Variants in PSMA1 observed in about 807,000 individuals in gnomAD.
PSMA1 encodes proteasome 20S subunit alpha 1, also known as proteasome subunit alpha type-1.
Under a neutral mutation model 38.4 loss-of-function variants are expected in PSMA1, and 3 were observed. That is an observed-to-expected ratio of 0.08 (90% CI 0.04 to 0.20). The LOEUF is 0.20. Among genes scored for constraint, PSMA1 ranks in the 10% least tolerant of loss-of-function variants. The pLI, the probability that PSMA1 is intolerant of heterozygous loss-of-function variation, is 1.00. For synonymous variants in PSMA1, 101 were observed against 107.1 expected, an observed-to-expected ratio of 0.94 and a Z score of 0.35; for missense variants, 227 against 325.3, an observed-to-expected ratio of 0.70 and a Z score of 2.32.
intron 6 of PSMA1, 47 bp from the exon 7 acceptor site, chr11:14,513,746 A>T (rs1851383154): frequency 3.2e-6 from 5 of 1,548,110 alleles, no homozygotes; most frequent in Non-Finnish European, 4.3e-6. Context: ...CTTTGGTTGA[A>T]CTAAAAATTA....
chr11:14,513,968 C>T, intron 5 of PSMA1, 81 bp from the exon 6 acceptor site: 1 of 1,434,104 alleles, frequency 7.0e-7, no homozygotes, highest in Admixed American at 3.0e-5. Flanking sequence ...TAACAAAGGT[C>T]TCTGGCTTAT....
chr11:14,602,378 G>GTT (rs983543688), intron 2 of PSMA1, among the ~76,000 whole-genome samples: 7 of 152,048 alleles, frequency 4.6e-5, no homozygotes, highest in Non-Finnish European at 1.0e-4. Context: ...AGTGGACTTT[G>GTT]TTTTATATTA....
chr11:14,545,409 A>G (rs1589988673), intron 2 of PSMA1, among the ~76,000 whole-genome samples: 1 of 152,230 alleles, frequency 6.6e-6, no homozygotes, highest in East Asian at 1.9e-4. Context: ...CTATCAACCC[A>G]TCACCTAGGT....
chr11:14,523,961 A>G (rs570995047), upstream of PSMA1, among the ~76,000 whole-genome samples: 1 of 151,912 alleles, frequency 6.6e-6, no homozygotes, highest in African/African-American at 2.4e-5. Flanking sequence ...TAGGTCAGCG[A>G]ACATAGTACT....
chr11:14,608,418 G>A (rs1051062582), intron 2 of PSMA1, among the ~76,000 whole-genome samples: 3 of 151,568 alleles, frequency 2.0e-5, no homozygotes, highest in Non-Finnish European at 4.4e-5. Flanking sequence ...TTGTGGGGTA[G>A]GGGGAGCGGG....
At chr11:14,589,802 T>A (rs1038745514) in intron 2 of PSMA1, among the ~76,000 whole-genome samples, 1 of 152,128 alleles carries the variant, frequency 6.6e-6, no homozygotes, top group African/African-American at 2.4e-5. Context: ...GAAGTCAACA[T>A]GGCAGATTAG....
In PSMA1 at chr11:14,513,691, G is replaced by A; in HGVS notation, c.423C>T (p.Gly141=). 6.3e-7 allele frequency: 1 copy of A among 1,577,454 alleles called. No homozygotes were observed. Among genetic ancestry groups the A allele is most frequent in the Non-Finnish European group, 8.6e-7 (1 of 1,168,458 alleles). Residue 141 remains glycine, a synonymous_variant, in exon 7 of 10, where the codon GGC becomes GGT. Coordinates refer to ENST00000396394, the MANE Select transcript of PSMA1 (RefSeq NM_002786.4). ...GLLIAGYDDM[G]PHIFQTCPSA... ...ATGGACAGGTTTGGAAAATGTGAGGGCCCATATCCTACAAATAGAAATAAA... is the reference window on the plus strand; with the variant it reads ...ATGGACAGGTTTGGAAAATGTGAGGACCCATATCCTACAAATAGAAATAAA...
At chr11:14,585,080 A>G (rs1404373237) in intron 2 of PSMA1, among the ~76,000 whole-genome samples, 1 of 152,218 alleles carries the variant, frequency 6.6e-6, no homozygotes, top group Non-Finnish European at 1.5e-5. Flanking sequence ...TCTGGGAAGC[A>G]TCAATTACTC....
At chr11:14,551,774 T>C (rs558118197) in intron 2 of PSMA1, among the ~76,000 whole-genome samples, 3 of 152,188 alleles carry the variant, frequency 2.0e-5, no homozygotes, top group Admixed American at 1.3e-4. Context: ...AGGAGGATCA[T>C]GAAAGTCTAC....
At chr11:14,560,717 A>C (rs1851998615) in intron 2 of PSMA1, among the ~76,000 whole-genome samples, 1 of 152,208 alleles carries the variant, frequency 6.6e-6, no homozygotes, top group Non-Finnish European at 1.5e-5. Context: ...ACATGCCCAT[A>C]TAATGATGGT....
Position 14,519,030 on chromosome 11 carries a change from C to T in PSMA1, c.15G>A (p.Gln5=), listed in dbSNP as rs762530422. 5.7e-6 allele frequency: 9 copies of T among 1,590,802 alleles called. No homozygotes were observed. Among genetic ancestry groups the T allele is most frequent in the Non-Finnish European group, 7.7e-6 (9 of 1,165,502 alleles). Residue 5 remains glutamine, a synonymous_variant, in exon 2 of 10, where the codon CAG becomes CAA. Transcript: ENST00000396394. ...TCCAAACAGTGACATCATTGTCATA[C>T]TGATTTCGAAACTAAAAGTAAAAGA... MFRN[Q]YDNDVTVWSP...
intron 2 of PSMA1, among the ~76,000 whole-genome samples, chr11:14,570,089 G>A (rs998804943): frequency 6.6e-6 from 1 of 152,192 alleles, no homozygotes; most frequent in Non-Finnish European, 1.5e-5. Flanking sequence ...GTGATACCCA[G>A]ACAAAGAGGA....
At chr11:14,593,302 A>C (rs1852443989) in intron 2 of PSMA1, among the ~76,000 whole-genome samples, 1 of 152,222 alleles carries the variant, frequency 6.6e-6, no homozygotes, top group Non-Finnish European at 1.5e-5. Flanking sequence ...TTGTATATCT[A>C]CAATCTGCAA....
chr11:14,628,327 C>T (rs1223222737), intron 1 of PSMA1, among the ~76,000 whole-genome samples: 2 of 90,208 alleles, frequency 2.2e-5, no homozygotes, highest in African/African-American at 9.0e-5. Context: ...TCCCCCCACC[C>T]CACAACAGTC....
intron 8 of PSMA1, among the ~76,000 whole-genome samples, chr11:14,509,301 C>G (rs1158636145): frequency 6.6e-6 from 1 of 152,120 alleles, no homozygotes; most frequent in Non-Finnish European, 1.5e-5. Flanking sequence ...ACATTCCCCC[C>G]TCACACCCTA....
chr11:14,508,562 A>AAAAAAAAAAAC (rs1851286319), intron 8 of PSMA1, among the ~76,000 whole-genome samples: 1 of 32,094 alleles, frequency 3.1e-5, no homozygotes, highest in Non-Finnish European at 6.2e-5. Flanking sequence ...ACTCCATCTC[A>AAAAAAAAAAAC]AAAAAAAAAA....
intron 2 of PSMA1, among the ~76,000 whole-genome samples, chr11:14,535,204 C>A (rs991537868): frequency 1.1e-4 from 16 of 149,592 alleles, no homozygotes; most frequent in African/African-American, 3.2e-4. Context: ...ATAGAGCAAT[C>A]TGGAATTAAT....
intron 2 of PSMA1, among the ~76,000 whole-genome samples, chr11:14,584,092 T>C (rs1045450706): frequency 6.6e-6 from 1 of 152,200 alleles, no homozygotes; most frequent in Non-Finnish European, 1.5e-5. Flanking sequence ...AAATTCTATA[T>C]TGGATCAAAG....
At chr11:14,595,006 C>G (rs1852468109) in intron 2 of PSMA1, among the ~76,000 whole-genome samples, 2 of 151,866 alleles carry the variant, frequency 1.3e-5, no homozygotes, top group Non-Finnish European at 2.9e-5. Flanking sequence ...AGAACACGCA[C>G]TGTTTGATTT....
Sources: gnomAD v4.1 joint callset for allele counts (sites outside exome capture counted in the v4.1 genomes callset) on GRCh38, gnomAD v4.1.1 for gene constraint, MANE v1.5 for transcripts, NCBI Gene and HGNC (gene_info 2026-07-23, HGNC 2026-07-21) for gene names.